The following KCNIP1 variants were observed in gnomAD, a reference collection of about 807,000 sequenced individuals.
KCNIP1 encodes potassium voltage-gated channel interacting protein 1, also known as A-type potassium channel modulatory protein KCNIP1.
A neutral mutation model predicts 33.0 loss-of-function variants in KCNIP1; 18 were observed. The ratio of observed to expected loss-of-function variants is 0.55; its 90% CI spans 0.38 to 0.81. The LOEUF (loss-of-function observed/expected upper bound fraction) is 0.81. KCNIP1 is among the 30% of genes least tolerant of loss of function. The pLI, the probability that KCNIP1 is intolerant of heterozygous loss-of-function variation, is 0.00. For synonymous variants in KCNIP1, 93 were observed against 98.3 expected (o/e 0.95, Z 0.32); for missense variants, 238 against 271.6 (o/e 0.88, Z 0.87).
exon 1 of KCNIP1, chr5:170,353,764 C>A: frequency 1.1e-6 from 1 of 889,044 alleles, no homozygotes; most frequent in South Asian, 1.5e-5. Flanking sequence ...TTCAGGGGTG[C>A]ATCCGTCACT....
At chr5:170,366,214 T>C (rs967769741) in intron 1 of KCNIP1, among the ~76,000 whole-genome samples, 1 of 152,228 alleles carries the variant, frequency 6.6e-6, no homozygotes, top group Non-Finnish European at 1.5e-5. Context: ...TGTACACTCC[T>C]GCCCCACTCC....
chr5:170,383,882 A>G, intron 1 of KCNIP1: 2 of 1,608,228 alleles, frequency 1.2e-6, no homozygotes, highest in Non-Finnish European at 1.7e-6. Flanking sequence ...ACACATACAC[A>G]TCTCAGAACT....
rs541722742 is a variant in KCNIP1 at position 170,428,290 on chromosome 5, C to A, written c.88+74326C>A. ...AGGGTAAGGAACGTGACAGCCAGAG[C>A]AGCTATGCTTAAGGGGCTTTGCCAC... On this transcript the variant is annotated intron_variant, in intron 1 of 7. Transcript: ENST00000377360. Among the ~76,000 whole-genome samples, 3 of 152,310 alleles carry A rather than the reference C, an allele frequency of 2.0e-5. No homozygotes were observed. In the East Asian group the frequency reaches 5.8e-4, roughly 29 times the overall value.
chr5:170,509,772 A>G (rs1165667919), intron 1 of KCNIP1, among the ~76,000 whole-genome samples: 1 of 152,218 alleles, frequency 6.6e-6, no homozygotes, highest in East Asian at 1.9e-4. Flanking sequence ...AAGTTGAAAA[A>G]TATAAATTCA....
intron 1 of KCNIP1, among the ~76,000 whole-genome samples, chr5:170,660,636 C>T (rs565175734): frequency 6.6e-5 from 10 of 152,300 alleles, no homozygotes; most frequent in Admixed American, 1.3e-4. Context: ...CTGCCTCTAG[C>T]GACATGGGAA....
At chr5:170,380,661 T>C (rs944104254) in intron 1 of KCNIP1, among the ~76,000 whole-genome samples, 1 of 152,222 alleles carries the variant, frequency 6.6e-6, no homozygotes, top group African/African-American at 2.4e-5. Flanking sequence ...CATTCAGAGC[T>C]GTTGGACACT....
intron 5 of KCNIP1, among the ~76,000 whole-genome samples, chr5:170,731,780 AT>A (rs1764211381): frequency 6.6e-6 from 1 of 151,360 alleles, no homozygotes; most frequent in African/African-American, 2.4e-5. Context: ...AATAAATGCA[AT>A]GTAGAATCAT....
intron 1 of KCNIP1, among the ~76,000 whole-genome samples, chr5:170,665,064 C>A (rs548638246): frequency 6.6e-6 from 1 of 152,102 alleles, no homozygotes; most frequent in Non-Finnish European, 1.5e-5. Context: ...TAATACACAG[C>A]GCGGGGAATG....
intron 1 of KCNIP1, among the ~76,000 whole-genome samples, chr5:170,589,322 G>A (rs564489105): frequency 3.8e-4 from 58 of 152,236 alleles, no homozygotes; most frequent in African/African-American, 1.2e-3. Context: ...TTTCATGTTA[G>A]CATTAGCATA....
intron 1 of KCNIP1, among the ~76,000 whole-genome samples, chr5:170,473,422 G>A (rs776382717): frequency 2.6e-5 from 4 of 152,154 alleles, no homozygotes; most frequent in Non-Finnish European, 4.4e-5. Context: ...CAAAAGCAAC[G>A]TGCCCGAAGT....
chr5:170,450,561 C>A (rs1756224565), intron 1 of KCNIP1, among the ~76,000 whole-genome samples: 1 of 152,158 alleles, frequency 6.6e-6, no homozygotes, highest in African/African-American at 2.4e-5. Flanking sequence ...CTCTGAAGGG[C>A]TTGCAAGGCC....
chr5:170,526,602 GGGA>G (rs1225030073), intron 1 of KCNIP1, among the ~76,000 whole-genome samples: 1 of 152,082 alleles, frequency 6.6e-6, no homozygotes, highest in Non-Finnish European at 1.5e-5. Flanking sequence ...AGTGACATCT[GGGA>G]GGAGAAGACT....
At chr5:170,530,578 T>C (rs1222691535) in intron 1 of KCNIP1, among the ~76,000 whole-genome samples, 3 of 152,198 alleles carry the variant, frequency 2.0e-5, no homozygotes, top group Non-Finnish European at 4.4e-5. Context: ...ACCTTGGGGC[T>C]CAAAATTCAG....
intron 1 of KCNIP1, among the ~76,000 whole-genome samples, chr5:170,388,628 CT>C (rs372632855): frequency 6.6e-5 from 10 of 152,268 alleles, no homozygotes; most frequent in African/African-American, 1.9e-4. Flanking sequence ...GGTCGACATC[CT>C]TTTCCTTAGA....
chr5:170,722,623 G>C, intron 4 of KCNIP1, 90 bp from the exon 5 acceptor site: 1 of 872,274 alleles, frequency 1.1e-6, no homozygotes, highest in East Asian at 2.5e-5. Context: ...GCACCATTCT[G>C]TGAGAGTATC....
At chr5:170,380,558 C>A (rs926253069) in intron 1 of KCNIP1, among the ~76,000 whole-genome samples, 3 of 152,212 alleles carry the variant, frequency 2.0e-5, no homozygotes, top group African/African-American at 7.2e-5. Context: ...GTTCTCACAG[C>A]CTGGGAAATG....
chr5:170,480,044 A>C (rs1314013702), intron 1 of KCNIP1, among the ~76,000 whole-genome samples: 2 of 152,230 alleles, frequency 1.3e-5, no homozygotes, highest in African/African-American at 4.8e-5. Context: ...AACACCTAAA[A>C]AGTCAGCAAA....
At chr5:170,540,117 G>C (rs890784681) in intron 1 of KCNIP1, among the ~76,000 whole-genome samples, 18 of 152,110 alleles carry the variant, frequency 1.2e-4, no homozygotes, top group African/African-American at 3.1e-4. Context: ...GTAAAGTAAG[G>C]CTCCCAGTAT....
intron 1 of KCNIP1, among the ~76,000 whole-genome samples, chr5:170,444,097 T>C (rs913364460): frequency 6.6e-6 from 1 of 152,244 alleles, no homozygotes; most frequent in Non-Finnish European, 1.5e-5. Flanking sequence ...ATTAGCTTCC[T>C]ATTGCCACTG....
Sources: allele counts gnomAD v4.1 joint callset (sites outside exome capture counted in the v4.1 genomes callset), GRCh38; gene constraint gnomAD v4.1.1; transcripts MANE v1.5; gene names NCBI Gene and HGNC (gene_info 2026-07-23, HGNC 2026-07-21).